Variants in EFCAB5 observed in about 807,000 individuals in gnomAD.
EFCAB5 encodes EF-hand calcium binding domain 5.
A neutral mutation model predicts 167.9 loss-of-function variants in EFCAB5; 131 were observed. The observed-to-expected ratio is 0.78, with a 90% CI of 0.68 to 0.90. EFCAB5 has a LOEUF of 0.90. Ranked by LOEUF, EFCAB5 falls within the 40% of genes least tolerant of loss-of-function variation. The pLI is 0.00. For synonymous variants in EFCAB5, 574 were observed against 602.8 expected (o/e 0.95, Z 0.70); for missense variants, 1,663 against 1,745.2 (o/e 0.95, Z 0.84).
chr17:29,931,380 G>C (rs1007684881), intron 1 of EFCAB5, among the ~76,000 whole-genome samples: 1 of 152,162 alleles, frequency 6.6e-6, no homozygotes, highest in African/African-American at 2.4e-5. Context: ...AACGCCACAA[G>C]AGTCCTCTGT....
At chr17:30,027,014 T>G (rs2069343909) in intron 7 of EFCAB5, among the ~76,000 whole-genome samples, 1 of 126,682 alleles carries the variant, frequency 7.9e-6, no homozygotes. Flanking sequence ...TGAGATGGAG[T>G]CTCGCTCTGT....
At chr17:30,079,107 A>G (rs888905338) in intron 15 of EFCAB5, among the ~76,000 whole-genome samples, 12 of 152,216 alleles carry the variant, frequency 7.9e-5, no homozygotes, top group Admixed American at 4.6e-4. Context: ...TACATGTATC[A>G]TAGATTCCAC....
chr17:29,964,162 A>T (rs193228556), intron 3 of EFCAB5, among the ~76,000 whole-genome samples: 1 of 152,322 alleles, frequency 6.6e-6, no homozygotes, highest in Admixed American at 6.5e-5. Flanking sequence ...GACACAAAAT[A>T]AACTAACTAA....
chr17:30,034,707 G>T (rs193012538), intron 8 of EFCAB5, among the ~76,000 whole-genome samples: 1 of 152,280 alleles, frequency 6.6e-6, no homozygotes, highest in Non-Finnish European at 1.5e-5. Flanking sequence ...AGAGGGGATA[G>T]TAAATGAAGC....
chr17:30,066,198 T>G (rs970457652), intron 14 of EFCAB5, among the ~76,000 whole-genome samples: 1 of 152,074 alleles, frequency 6.6e-6, no homozygotes, highest in Non-Finnish European at 1.5e-5. Flanking sequence ...ATAGACCACA[T>G]GCTAAGTCAC....
intron 4 of EFCAB5, among the ~76,000 whole-genome samples, chr17:29,986,636 C>CTTTTTTTT (rs1196821046): frequency 2.3e-4 from 20 of 87,944 alleles, no homozygotes; most frequent in Non-Finnish European, 3.4e-4. Flanking sequence ...GGAGTATATT[C>CTTTTTTTT]ATTTTTTTTT....
intron 3 of EFCAB5, among the ~76,000 whole-genome samples, chr17:29,955,132 G>A (rs562891573): frequency 6.6e-6 from 1 of 152,264 alleles, no homozygotes; most frequent in African/African-American, 2.4e-5. Flanking sequence ...ACTTTGGACT[G>A]TGGACTTTTG....
chr17:30,094,520 A>AT (rs1263493796), intron 22 of EFCAB5, among the ~76,000 whole-genome samples: 3 of 149,678 alleles, frequency 2.0e-5, no homozygotes, highest in Non-Finnish European at 3.0e-5. Flanking sequence ...AAAAAAAAAA[A>AT]AAAAAAAAAA....
intron 10 of EFCAB5, among the ~76,000 whole-genome samples, chr17:30,055,686 C>T (rs9890205): frequency 0.61 from 92,756 of 152,058 alleles, 30,244 homozygotes; most frequent in African/African-American, 0.85. Flanking sequence ...GATACAATAA[C>T]AGCTTTTGCT....
chr17:29,930,222 G>A (rs1009890551), intron 1 of EFCAB5: 5 of 553,932 alleles, frequency 9.0e-6, no homozygotes, highest in Non-Finnish European at 1.6e-5. Context: ...CAGCTGCGGG[G>A]CACAATGAGC....
In EFCAB5 at chr17:30,108,423, A is replaced by G. The variant is rs1181139272; in HGVS notation, c.*399A>G. On this transcript the variant is annotated 3_prime_UTR_variant, in exon 23 of 23. Transcript: ENST00000394835. ...AATAATAAAGATAAACCAAAAGAAT[A>G]CCAAATAATAAAGATTTTTAAGAAA... is the stretch of plus-strand genomic sequence containing the variant. 2.0e-5 allele frequency: 3 copies of G among 153,592 alleles called. No individual in the cohort carries two copies. Among genetic ancestry groups the G allele is most frequent in the African/African-American group, 7.2e-5 (3 of 41,484 alleles). 9.5% of individuals were successfully genotyped at this position (153,592 alleles called of 1,614,324 possible). A position where few individuals can be genotyped will look rare whatever the true frequency, so the allele number is the denominator to read the frequency against.
intron 1 of EFCAB5, among the ~76,000 whole-genome samples, 179 bp from the exon 2 acceptor site, chr17:29,942,061 A>C (rs576488314): frequency 2.6e-5 from 4 of 152,312 alleles, no homozygotes; most frequent in African/African-American, 9.6e-5. Context: ...ACTATATATA[A>C]AAGTCTGTTA....
At chr17:29,932,263 G>T (rs539480269) in intron 1 of EFCAB5, among the ~76,000 whole-genome samples, 1 of 148,186 alleles carries the variant, frequency 6.7e-6, no homozygotes, top group Non-Finnish European at 1.5e-5. Context: ...CAATTCTCCT[G>T]CCTCAGCCTC....
At chr17:30,086,275 C>A (rs556144834) in intron 18 of EFCAB5, among the ~76,000 whole-genome samples, 44 of 152,056 alleles carry the variant, frequency 2.9e-4, no homozygotes, top group African/African-American at 9.9e-4. Context: ...CTAGTTTCTA[C>A]GAAAAAATAT....
chr17:29,936,238 T>C (rs2067244547), intron 1 of EFCAB5, among the ~76,000 whole-genome samples: 1 of 151,574 alleles, frequency 6.6e-6, no homozygotes, highest in African/African-American at 2.4e-5. Context: ...TTCTCACTCA[T>C]AGGTGGGAAT....
At chr17:30,033,272 G>T (rs1331684041) in intron 7 of EFCAB5, among the ~76,000 whole-genome samples, 1 of 152,060 alleles carries the variant, frequency 6.6e-6, no homozygotes, top group Non-Finnish European at 1.5e-5. Flanking sequence ...TAGAGATGGG[G>T]TTTCACCGTG....
At chr17:30,095,548 T>A (rs2071276243) in intron 22 of EFCAB5, among the ~76,000 whole-genome samples, 1 of 152,206 alleles carries the variant, frequency 6.6e-6, no homozygotes, top group Non-Finnish European at 1.5e-5. Flanking sequence ...GCCATCATGG[T>A]GGCTCTCATA....
chr17:30,086,720 C>CT (rs1369004628), intron 18 of EFCAB5, among the ~76,000 whole-genome samples: 1 of 152,164 alleles, frequency 6.6e-6, no homozygotes, highest in Non-Finnish European at 1.5e-5. Flanking sequence ...TGGTGAAACT[C>CT]TGTCTCTACC....
intron 3 of EFCAB5, among the ~76,000 whole-genome samples, chr17:29,948,048 A>C (rs1597565361): frequency 6.6e-6 from 1 of 151,870 alleles, no homozygotes; most frequent in South Asian, 2.1e-4. Context: ...CTGGTCTCAA[A>C]CTCCTGACCT....
Sources: gnomAD v4.1 joint callset for allele counts (sites outside exome capture counted in the v4.1 genomes callset) on GRCh38, gnomAD v4.1.1 for gene constraint, MANE v1.5 for transcripts, NCBI Gene and HGNC (gene_info 2026-07-23, HGNC 2026-07-21) for gene names.